CEP164: variants seen among roughly 807,000 people sequenced by gnomAD.
CEP164 encodes centrosomal protein 164.
In CEP164, 162 loss-of-function variants were observed where a neutral mutation model predicts 182.7. The ratio of observed to expected loss-of-function variants is 0.89; its 90% CI spans 0.78 to 1.01. CEP164 has a LOEUF of 1.01. Ranked by LOEUF, CEP164 falls within the 50% of genes least tolerant of loss-of-function variation. The pLI is 0.00. For synonymous variants in CEP164, 661 were observed against 690.0 expected (o/e 0.96, Z 0.66); for missense variants, 1,735 against 1,790.4 (o/e 0.97, Z 0.56).
chr11:117,331,732 T>C (rs2036235468), intron 1 of CEP164, among the ~76,000 whole-genome samples: 1 of 149,636 alleles, frequency 6.7e-6, no homozygotes, highest in African/African-American at 2.4e-5. Flanking sequence ...TCTTCCTAGC[T>C]TCTGAGATTG....
intron 4 of CEP164, among the ~76,000 whole-genome samples, chr11:117,350,229 GTC>G (rs1274395908): frequency 1.1e-4 from 16 of 151,690 alleles, no homozygotes; most frequent in Non-Finnish European, 2.2e-4. Flanking sequence ...TTGAAACAGG[GTC>G]TTGCCCTGTC....
rs373541016 is a variant in CEP164, at chr11:117,391,912, C to A, written c.2284-314C>A. ...TAATGACAGCATCCAACCTGGCCCC[C>A]CTGGCTTGGATCTTATTTACCAGCA... On this transcript the variant is annotated intron_variant, in intron 17 of 32. Transcript: ENST00000278935. 6.6e-5 allele frequency among the ~76,000 whole-genome samples: 10 copies of A among 152,296 alleles called. 1 individual carries two copies. Among genetic ancestry groups the A allele is most frequent in the South Asian group, 6.2e-4 (3 of 4,828 alleles).
At chr11:117,354,265 G>A (rs902320100) in intron 5 of CEP164, among the ~76,000 whole-genome samples, 3 of 152,090 alleles carry the variant, frequency 2.0e-5, no homozygotes, top group South Asian at 2.1e-4. Context: ...TGATCCGCCC[G>A]CCGCAGCCTC....
intron 30 of CEP164, 141 bp from the exon 31 acceptor site, chr11:117,410,687 C>G: frequency 1.6e-6 from 1 of 607,894 alleles, no homozygotes. Context: ...ATAAATAGGA[C>G]CATTCCTGTC....
chr11:117,370,254 C>G (rs2135891868), intron 8 of CEP164, among the ~76,000 whole-genome samples: 1 of 152,022 alleles, frequency 6.6e-6, no homozygotes, highest in Non-Finnish European at 1.5e-5. Flanking sequence ...GAGGCTGCTG[C>G]TGATCAGCAT....
At chr11:117,392,335 G>A in intron 18 of CEP164, 32 bp downstream of exon 18, 2 of 1,599,014 alleles carry the variant, frequency 1.3e-6, no homozygotes, top group South Asian at 1.1e-5. Flanking sequence ...CCCCTTCATG[G>A]CTGATTAGCA....
Position 117,336,185 on chromosome 11 carries a change from G to A in CEP164, c.-22+505G>A, listed in dbSNP as rs576549402. On this transcript the variant is annotated intron_variant, in intron 2 of 32. Transcript: ENST00000278935. ...CAGAACTGGTGAGACTTGAGGGAAG[G>A]GTCCAGGGCCTGTATTCAGTCAGAA... 7 of 1,585,832 alleles carry A rather than the reference G, an allele frequency of 4.4e-6. No homozygotes were observed. The East Asian group carries it at 1.4e-4, about 31-fold the overall frequency.
At position 117,356,818 on chromosome 11, in the gene CEP164, A is replaced by T. The variant is rs148152740; in HGVS notation, c.393+4830A>T. Among the ~76,000 whole-genome samples the T allele has an allele frequency of 3.9e-5, 6 of 152,354 alleles. No individual in the cohort carries two copies. The East Asian group carries it at 1.2e-3, about 29-fold the overall frequency. ...TTTCTTCTACTCCATCACCTGCAAG[A>T]TAGGGCTGAGGGTATCTCTGATTTC... On this transcript the variant is annotated intron_variant, in intron 5 of 32. Coordinates refer to ENST00000278935, the MANE Select transcript of CEP164 (RefSeq NM_014956.5).
chr11:117,408,116 A>G, intron 28 of CEP164, 84 bp downstream of exon 28: 3 of 1,054,616 alleles, frequency 2.8e-6, no homozygotes, highest in Non-Finnish European at 4.2e-6. Context: ...TTGGTCCTGC[A>G]TCCGGGGGAG....
Position 117,395,107 on chromosome 11 carries a change from G to C in CEP164, c.2845-16G>C. ...GGTCTGCAGTCAGCCAGAAAATCCT[G>C]TCTCTTCCCTGCAAGGAGGAGACCG... On this transcript the variant is annotated splice_polypyrimidine_tract_variant and intron_variant, in intron 22 of 32. Transcript: ENST00000278935. 3 of 1,614,150 alleles carry C rather than the reference G, an allele frequency of 1.9e-6. No individual in the cohort carries two copies. The highest frequency in any genetic ancestry group is 2.5e-6 in the Non-Finnish European group (3 of 1,180,012).
In CEP164 at chr11:117,411,619, G is replaced by C. The variant is rs1565646663; in HGVS notation, c.4164-176G>C. ...GGGCCTCCACCACTTTCCCGTTTGG[G>C]AACTGTTCTGGAGGGGCAGATGTTT... On this transcript the variant is annotated intron_variant, in intron 31 of 32. Transcript: ENST00000278935. The surrounding 1 kb of genome is among the most constrained non-coding windows in gnomAD (Gnocchi z 4.4). 1 of 821,028 alleles carries C rather than the reference G, an allele frequency of 1.2e-6. No individual in the cohort carries two copies. The highest frequency in any genetic ancestry group is 1.8e-6 in the Non-Finnish European group (1 of 545,838). 50.9% of individuals were successfully genotyped at this position (821,028 alleles called of 1,614,324 possible). A position where few individuals can be genotyped will look rare whatever the true frequency, so the allele number is the denominator to read the frequency against.
chr11:117,374,083 A>G (rs2042493336), intron 10 of CEP164, among the ~76,000 whole-genome samples: 1 of 151,942 alleles, frequency 6.6e-6, no homozygotes, highest in South Asian at 2.1e-4. Flanking sequence ...TAATATAATT[A>G]TATATATAAT....
At chr11:117,335,991 A>G (rs530121213) in intron 2 of CEP164, among the ~76,000 whole-genome samples, 1 of 152,096 alleles carries the variant, frequency 6.6e-6, no homozygotes, top group East Asian at 1.9e-4. Flanking sequence ...TAGCTATCTG[A>G]TCTATCCAAG....
intron 25 of CEP164, 36 bp from the exon 26 acceptor site, chr11:117,396,514 C>CTACA (rs773575186): frequency 6.3e-7 from 1 of 1,575,688 alleles, no homozygotes; most frequent in Non-Finnish European, 8.7e-7. Context: ...TCTGCTTTTG[C>CTACA]TACACTCAGT....
At chr11:117,338,097 G>A (rs968182279) in intron 2 of CEP164, among the ~76,000 whole-genome samples, 3 of 151,938 alleles carry the variant, frequency 2.0e-5, no homozygotes, top group East Asian at 1.9e-4. Flanking sequence ...GGTCGTTCCC[G>A]CCACTGGATT....
intron 11 of CEP164, among the ~76,000 whole-genome samples, chr11:117,379,434 T>C (rs2043082447): frequency 6.6e-6 from 1 of 152,164 alleles, no homozygotes. Flanking sequence ...CTGTTGACCC[T>C]GTGTCCCAGA....
At position 117,396,580 on chromosome 11, in the gene CEP164, T is replaced by C. The variant is rs2045499984; in HGVS notation, c.3247T>C (p.Ser1083Pro). The C allele has an allele frequency of 1.9e-6, 3 of 1,613,816 alleles. No homozygotes were observed. In the East Asian group the frequency reaches 6.7e-5, roughly 36 times the overall value. The change falls in exon 26 of 33, where the codon TCC becomes CCC. Residue 1083 changes from serine to proline, a missense_variant. Physicochemically the swap from Ser to Pro is moderately conservative, Grantham distance 74. Coordinates refer to ENST00000278935, the MANE Select transcript of CEP164 (RefSeq NM_014956.5). ...GACCAAAGAGGTGTCTTCTTCTCTC[T>C]CCCAGAGCAAGGAGGACTTATACTT... ...NQTKEVSSSLSQSKEDLYLDS... is the reference protein window; with the variant it reads ...NQTKEVSSSLPQSKEDLYLDS...
In CEP164 at chr11:117,397,251, G is replaced by C; in HGVS notation, c.3439G>C (p.Glu1147Gln). The C allele has an allele frequency of 6.2e-7, 1 of 1,614,182 alleles. No individual in the cohort carries two copies. The highest frequency in any genetic ancestry group is 8.5e-7 in the Non-Finnish European group (1 of 1,180,038). Residue 1147 changes from glutamate to glutamine, a missense_variant, in exon 27 of 33, where the codon GAG becomes CAG. Glu to Gln is a conservative substitution (Grantham distance 29, BLOSUM62 2). Transcript: ENST00000278935. The stretch of plus-strand genomic sequence containing the variant: ...GCGCCATGAGCTGGCCAGTGCGCAG[G>C]AGGTGGCCAAAGACCCACCAGGCAT... ...HWRHELASAQ[E>Q]VAKDPPGIKA... is the part of the protein sequence containing the mutation.
chr11:117,344,191 T>A lies in CEP164; in HGVS notation c.108T>A (p.Ile36=). ...EQEILEFARE[I]GIDPIKEPEL... The stretch of plus-strand genomic sequence containing the variant: ...AAATTCTTGAATTTGCCCGGGAGAT[T>A]GGTATTGATCCCATCAAGGAACCAG... Residue 36 remains isoleucine, a synonymous_variant, in exon 4 of 33, where the codon ATT becomes ATA. Transcript: ENST00000278935. The A allele has an allele frequency of 2.5e-6, 4 of 1,612,864 alleles. No homozygotes were observed. The highest frequency in any genetic ancestry group is 3.4e-6 in the Non-Finnish European group (4 of 1,179,468).
Sources: gnomAD v4.1 joint callset for allele counts (sites outside exome capture counted in the v4.1 genomes callset) on GRCh38, gnomAD v4.1.1 for gene constraint, Gnocchi (gnomAD v3.1) non-coding constraint, MANE v1.5 for transcripts, NCBI Gene and HGNC (gene_info 2026-07-23, HGNC 2026-07-21) for gene names.